SEZ6L: variants seen among roughly 807,000 people sequenced by gnomAD.
SEZ6L encodes seizure related 6 homolog like.
A neutral mutation model predicts 106.2 loss-of-function variants in SEZ6L; 37 were observed. The observed-to-expected ratio is 0.35, with a 90% CI of 0.27 to 0.46. The LOEUF is 0.46. Ranked by LOEUF, SEZ6L falls within the 20% of genes least tolerant of loss-of-function variation. The pLI is 1.00. For missense variants in SEZ6L, 1,172 were observed against 1,332.8 expected, an observed-to-expected ratio of 0.88 and a Z score of 1.88; for synonymous variants, 541 against 570.4, an observed-to-expected ratio of 0.95 and a Z score of 0.73.
At chr22:26,335,489 G>C (rs1025924756) in intron 9 of SEZ6L, among the ~76,000 whole-genome samples, 6 of 152,136 alleles carry the variant, frequency 3.9e-5, no homozygotes, top group Admixed American at 1.3e-4. Flanking sequence ...TGGCTACACT[G>C]TTATGTTATA....
At chr22:26,353,716 T>C (rs186771730) in intron 12 of SEZ6L, among the ~76,000 whole-genome samples, 157 of 152,356 alleles carry the variant, frequency 1.0e-3, no homozygotes, top group African/African-American at 3.7e-3. Context: ...ATTGTGACCT[T>C]GATTAGAACT....
rs2081317260 is a variant in SEZ6L, at chr22:26,296,897, G to A, written c.979G>A (p.Val327Met). 5 of 1,608,126 alleles carry A rather than the reference G, an allele frequency of 3.1e-6. No individual in the cohort carries two copies. In the Admixed American group the frequency reaches 5.0e-5, roughly 16 times the overall value. Reference sequence around the variant, plus strand: ...TTCTGCCTGTTCCCAGGTGAAGAGTGTGAACCTGTCCGATGGGGAACTGCT... The same window carrying A: ...TTCTGCCTGTTCCCAGGTGAAGAGTATGAACCTGTCCGATGGGGAACTGCT... ...GYGVELQVKS[V>M]NLSDGELLSI... is the part of the protein sequence containing the mutation. Residue 327 changes from valine to methionine, a missense_variant, in exon 4 of 17, where the codon GTG (valine) becomes ATG (methionine). Val to Met is a conservative substitution (Grantham distance 21). This residue lies in a region of SEZ6L where 494 missense variants were observed against 445.8 expected (regional missense o/e 1.11). Coordinates refer to ENST00000248933, the MANE Select transcript of SEZ6L (RefSeq NM_021115.5).
intron 12 of SEZ6L, among the ~76,000 whole-genome samples, chr22:26,360,883 G>GAA (rs56292033): frequency 5.0e-4 from 74 of 148,420 alleles, no homozygotes; most frequent in African/African-American, 1.6e-3. Context: ...TCTACGGGCT[G>GAA]AAAAAAAAAC....
intron 1 of SEZ6L, among the ~76,000 whole-genome samples, chr22:26,202,747 G>A (rs746491277): frequency 6.6e-6 from 1 of 152,212 alleles, no homozygotes; most frequent in Non-Finnish European, 1.5e-5. Context: ...CACAAAAATA[G>A]AGGAAACCTT....
chr22:26,265,283 C>A (rs547951735), intron 1 of SEZ6L, among the ~76,000 whole-genome samples: 8 of 152,266 alleles, frequency 5.3e-5, no homozygotes, highest in Non-Finnish European at 7.4e-5. Context: ...TCTGGTAACC[C>A]GGAAAAGTCC....
intron 1 of SEZ6L, among the ~76,000 whole-genome samples, chr22:26,175,476 G>A (rs997918432): frequency 1.3e-5 from 2 of 152,154 alleles, no homozygotes; most frequent in Non-Finnish European, 2.9e-5. Flanking sequence ...AATGAAATGT[G>A]TGAGAAAGAC....
At chr22:26,362,297 T>C (rs556205677) in intron 12 of SEZ6L, among the ~76,000 whole-genome samples, 25 of 152,342 alleles carry the variant, frequency 1.6e-4, no homozygotes, top group Admixed American at 3.9e-4. Flanking sequence ...ACTTCAAGTA[T>C]ACAGATGACC....
At chr22:26,379,796 A>T (rs909603183) in intron 16 of SEZ6L, among the ~76,000 whole-genome samples, 1 of 152,262 alleles carries the variant, frequency 6.6e-6, no homozygotes, top group African/African-American at 2.4e-5. Flanking sequence ...TTATTAGTAG[A>T]GTGTATCAGT....
chr22:26,240,876 G>A (rs2079104904), intron 1 of SEZ6L, among the ~76,000 whole-genome samples: 1 of 152,202 alleles, frequency 6.6e-6, no homozygotes, highest in Admixed American at 6.5e-5. Context: ...GTCAAGGAGA[G>A]AGCAGGCAAG....
In SEZ6L at chr22:26,292,902, C is replaced by G. The variant is rs1017405674; in HGVS notation, c.591C>G (p.Pro197=). Residue 197 remains proline, a synonymous_variant, in exon 2 of 17, where the codon CCC becomes CCG. Transcript: ENST00000248933. ...DRKESAVPTT[P]APLQISPFTS... ...AGGAGAGTGCGGTCCCTACAACACC[C>G]GCACCCCTGCAAATCTCCCCCTTCA... The G allele has an allele frequency of 6.2e-7, 1 of 1,614,046 alleles. No homozygotes were observed. Among genetic ancestry groups the G allele is most frequent in the Non-Finnish European group, 8.5e-7 (1 of 1,180,022 alleles).
At chr22:26,378,818 G>A (rs755468173) in intron 16 of SEZ6L, among the ~76,000 whole-genome samples, 1 of 152,192 alleles carries the variant, frequency 6.6e-6, no homozygotes, top group Non-Finnish European at 1.5e-5. Flanking sequence ...ACGTTTGGGG[G>A]GAATAAACCT....
In SEZ6L at chr22:26,209,826, G is replaced by A. The variant is rs371905893; in HGVS notation, c.94+40063G>A. Among the ~76,000 whole-genome samples, 4 of 84,676 alleles carry A rather than the reference G, an allele frequency of 4.7e-5. No homozygotes were observed. In the East Asian group the frequency reaches 8.7e-4, roughly 18 times the overall value. The allele number at this position is 84,676 out of a possible 152,430, so 55.6% of individuals were successfully genotyped here. A position where few individuals can be genotyped will look rare whatever the true frequency, so the allele number is the denominator to read the frequency against. ...GAATAGATGGATAGATGGAAGAAAG[G>A]AAAAAAGTAGGAGGAAGGAAGGAAT... On this transcript the variant is annotated intron_variant, in intron 1 of 16. Transcript: ENST00000248933.
intron 9 of SEZ6L, among the ~76,000 whole-genome samples, chr22:26,331,015 G>A (rs2082463238): frequency 6.6e-6 from 1 of 152,208 alleles, no homozygotes; most frequent in African/African-American, 2.4e-5. Flanking sequence ...ATAAGGAAAA[G>A]AAAGGTGGCT....
chr22:26,344,915 A>G (rs1355558320), intron 10 of SEZ6L, among the ~76,000 whole-genome samples: 1 of 152,236 alleles, frequency 6.6e-6, no homozygotes, highest in Non-Finnish European at 1.5e-5. Flanking sequence ...TAAAAAAGAA[A>G]GAAGAGTAGA....
chr22:26,202,165 C>T (rs1325906305), intron 1 of SEZ6L, among the ~76,000 whole-genome samples: 2 of 152,148 alleles, frequency 1.3e-5, no homozygotes, highest in East Asian at 1.9e-4. Flanking sequence ...CCACCTGCCT[C>T]GGCCTCCCAA....
At chr22:26,203,936 C>T (rs1941141057) in intron 1 of SEZ6L, among the ~76,000 whole-genome samples, 1 of 152,092 alleles carries the variant, frequency 6.6e-6, no homozygotes, top group Non-Finnish European at 1.5e-5. Flanking sequence ...GTAATTTGCC[C>T]TACATTTGAT....
intron 1 of SEZ6L, among the ~76,000 whole-genome samples, chr22:26,287,197 A>G (rs1486233276): frequency 6.6e-6 from 1 of 152,090 alleles, no homozygotes; most frequent in East Asian, 1.9e-4. Context: ...ATTGCCTTCT[A>G]CGTGGCATGG....
intron 1 of SEZ6L, among the ~76,000 whole-genome samples, chr22:26,274,053 C>T (rs190190879): frequency 4.9e-4 from 74 of 152,218 alleles, no homozygotes; most frequent in Middle Eastern, 3.4e-3. Flanking sequence ...CCATAGAACA[C>T]GAGATCTGGA....
chr22:26,328,698 A>T (rs1472818190), intron 9 of SEZ6L, among the ~76,000 whole-genome samples: 1 of 152,064 alleles, frequency 6.6e-6, no homozygotes, highest in Admixed American at 6.6e-5. Context: ...GCCCAGGGGG[A>T]CGGCAGGCCG....
Sources: allele counts gnomAD v4.1 joint callset (sites outside exome capture counted in the v4.1 genomes callset), GRCh38; gene constraint gnomAD v4.1.1; regional missense constraint gnomAD v4.1.1; transcripts MANE v1.5; gene names NCBI Gene and HGNC (gene_info 2026-07-23, HGNC 2026-07-21).